The following KLC4 variants were observed in gnomAD, a reference collection of about 807,000 sequenced individuals.
KLC4 encodes kinesin light chain 4.
A neutral mutation model predicts 77.2 loss-of-function variants in KLC4; 49 were observed. The observed-to-expected ratio is 0.63, with a 90% CI of 0.50 to 0.80. The LOEUF (loss-of-function observed/expected upper bound fraction) is 0.80, where lower values mean the gene tolerates loss of function less well. KLC4 is among the 30% of genes least tolerant of loss of function. The pLI, the probability that KLC4 is intolerant of heterozygous loss-of-function variation, is 0.00. For synonymous variants in KLC4, 274 were observed against 314.5 expected, an observed-to-expected ratio of 0.87 and a Z score of 1.36; for missense variants, 669 against 793.5, an observed-to-expected ratio of 0.84 and a Z score of 1.89.
chr6:43,069,444 C>T (rs1765614992), intron 6 of KLC4, among the ~76,000 whole-genome samples: 1 of 152,082 alleles, frequency 6.6e-6, no homozygotes, highest in Admixed American at 6.5e-5. Context: ...GGGTTTTCAC[C>T]ATGTTGGTCA....
At position 43,063,008 on chromosome 6, in the gene KLC4, A is replaced by G. The variant is rs1339623063; in HGVS notation, c.350A>G (p.Gln117Arg). The G allele has an allele frequency of 3.1e-6, 5 of 1,614,088 alleles. No homozygotes were observed. Among genetic ancestry groups the G allele is most frequent in the Non-Finnish European group, 4.2e-6 (5 of 1,180,044 alleles). ...GTGCGGCGGCTATGCCAGGAGAACCAGTGGCTGCGGGATGAGCTGGCTGGC... is the reference window on the plus strand; with the variant it reads ...GTGCGGCGGCTATGCCAGGAGAACCGGTGGCTGCGGGATGAGCTGGCTGGC... ...AQVRRLCQEN[Q>R]WLRDELAGTQ... Residue 117 changes from glutamine (Q) to arginine (R), a missense_variant, in exon 3 of 16, where the codon CAG (glutamine) becomes CGG (arginine). Physicochemically the swap from Gln to Arg is conservative, Grantham distance 43. Coordinates refer to ENST00000347162, the MANE Select transcript of KLC4 (RefSeq NM_201521.3).
intron 1 of KLC4, chr6:43,060,071 C>G: frequency 6.5e-7 from 1 of 1,527,398 alleles, no homozygotes; most frequent in Non-Finnish European, 8.8e-7. Flanking sequence ...GAGACCCACT[C>G]CAGCGCCGCG....
At chr6:43,072,079 T>G in intron 11 of KLC4, 68 bp from the exon 12 acceptor site, 1 of 1,460,476 alleles carries the variant, frequency 6.8e-7, no homozygotes, top group Non-Finnish European at 9.6e-7. Context: ...CTTGTCTTGC[T>G]TGGAAGACAA....
chr6:43,065,147 T>C (rs1765350370), intron 3 of KLC4, among the ~76,000 whole-genome samples: 1 of 152,080 alleles, frequency 6.6e-6, no homozygotes, highest in Admixed American at 6.6e-5. Context: ...TGATCTCGGC[T>C]CACCGCAACC....
At chr6:43,071,964 C>T in intron 11 of KLC4, 42 bp downstream of exon 11, 1 of 1,564,768 alleles carries the variant, frequency 6.4e-7, no homozygotes, top group Non-Finnish European at 8.7e-7. Context: ...CCGATGCCCT[C>T]CATCCAGTCC....
intron 13 of KLC4, 59 bp from the exon 14 acceptor site, chr6:43,073,164 C>G (rs1765812610): frequency 7.5e-6 from 11 of 1,460,644 alleles, no homozygotes; most frequent in South Asian, 1.2e-5. Context: ...TAGGAGTAGA[C>G]TCAGAAACCC....
chr6:43,062,722 G>C (rs1359934869), intron 2 of KLC4, 195 bp from the exon 3 acceptor site: 1 of 596,170 alleles, frequency 1.7e-6, no homozygotes, highest in East Asian at 2.8e-5. Flanking sequence ...TAGTGGCTTG[G>C]TCCAGGGTGA....
intron 6 of KLC4, chr6:43,067,338 A>G: frequency 1.4e-6 from 1 of 714,242 alleles, no homozygotes; most frequent in African/African-American, 1.8e-5. Context: ...GTAAATCCAC[A>G]TATGATTTCT....
In KLC4 at chr6:43,070,414, G is replaced by C; in HGVS notation, c.940G>C (p.Ala314Pro). The C allele has an allele frequency of 1.2e-6, 2 of 1,614,202 alleles. No homozygotes were observed. The highest frequency in any genetic ancestry group is 1.7e-6 in the Non-Finnish European group (2 of 1,180,008). Residue 314 changes from alanine to proline, a missense_variant, in exon 7 of 16, where the codon GCA (alanine) becomes CCA (proline). By Grantham distance (27) the Ala-to-Pro change is conservative. Coordinates refer to ENST00000347162, the MANE Select transcript of KLC4 (RefSeq NM_201521.3). ...LYGKRGKYKE[A>P]EPLCQRALEI... ...TGGCAAAAGGGGCAAGTACAAGGAGGCAGAGCCTCTGTGCCAGCGGGCACT... is the reference window on the plus strand; with the variant it reads ...TGGCAAAAGGGGCAAGTACAAGGAGCCAGAGCCTCTGTGCCAGCGGGCACT...
rs1765372328 is a variant in KLC4, at chr6:43,065,460, G to A, written c.490-160G>A. The A allele has an allele frequency of 8.9e-6, 5 of 563,590 alleles. No homozygotes were observed. In the East Asian group the frequency reaches 1.4e-4, roughly 16 times the overall value. 34.9% of individuals were successfully genotyped at this position (563,590 alleles called of 1,614,324 possible). A position where few individuals can be genotyped will look rare whatever the true frequency, so the allele number is the denominator to read the frequency against. ...TGGCTGTTACAAACAAGAGGCCTGA[G>A]CTTGGCTGGGCCACTTGCTAGCCTT... On this transcript the variant is annotated intron_variant, in intron 3 of 15. Coordinates refer to ENST00000347162, the MANE Select transcript of KLC4 (RefSeq NM_201521.3).
Position 43,075,014 on chromosome 6 carries a change from C to T in KLC4, c.*342C>T, listed in dbSNP as rs140753702. The stretch of plus-strand genomic sequence containing the variant: ...GCCAGCCAAGCTGCCTTGCCCTGGC[C>T]GCTCTTACTCCCTCCCTCTGCTGTC... On this transcript the variant is annotated 3_prime_UTR_variant, in exon 16 of 16. Coordinates refer to ENST00000347162, the MANE Select transcript of KLC4 (RefSeq NM_201521.3). The T allele has an allele frequency of 4.0e-4, 125 of 315,964 alleles. No homozygotes were observed. Among genetic ancestry groups the T allele is most frequent in the Non-Finnish European group, 5.2e-4 (87 of 167,962 alleles). The allele number at this position is 315,964 out of a possible 1,614,324, so 19.6% of individuals were successfully genotyped here. A position where few individuals can be genotyped will look rare whatever the true frequency, so the allele number is the denominator to read the frequency against.
chr6:43,067,573 T>G (rs1765500640), intron 6 of KLC4, among the ~76,000 whole-genome samples: 2 of 151,700 alleles, frequency 1.3e-5, no homozygotes, highest in South Asian at 4.2e-4. Flanking sequence ...GGAGGGTGGA[T>G]CACGAGGTCA....
rs752039826 is a variant in KLC4 at position 43,067,066 on chromosome 6, G to C, written c.862G>C (p.Gly288Arg). 7 of 1,613,910 alleles carry C rather than the reference G, an allele frequency of 4.3e-6. No individual in the cohort carries two copies. In the African/African-American group the frequency reaches 8.0e-5, roughly 18 times the overall value. Residue 288 changes from glycine to arginine, a missense_variant, in exon 6 of 16, where the codon GGA becomes CGA. By Grantham distance (125) the Gly-to-Arg change is moderately radical. Coordinates refer to ENST00000347162, the MANE Select transcript of KLC4 (RefSeq NM_201521.3). ...CCTTAGCATCCGGGAGAGCACCTTG[G>C]GACCTGACCATCCTGCTGTCAGTAT... ...DALSIRESTL[G>R]PDHPAVAATL... is the part of the protein sequence containing the mutation.
chr6:43,072,225 G>A lies in KLC4; in HGVS notation c.1458G>A (p.Leu486=), dbSNP rs1214881512. Residue 486 remains leucine, a synonymous_variant, in exon 12 of 16, where the codon CTG becomes CTA. Coordinates refer to ENST00000347162, the MANE Select transcript of KLC4 (RefSeq NM_201521.3). ...GAAAGCTGGAGGCTGCTGAGACCCT[G>A]GAGGAATGTGCCCTGCGGTCCCGGA... ...RQGKLEAAET[L]EECALRSRRQ... 25 of 1,614,116 alleles carry A rather than the reference G, an allele frequency of 1.5e-5. No individual in the cohort carries two copies. The highest frequency in any genetic ancestry group is 2.1e-5 in the Non-Finnish European group (25 of 1,179,982).
rs1467657263 is a variant in KLC4, at chr6:43,065,700, C to T, written c.570C>T (p.Gly190=). The change falls in exon 4 of 16, where the codon GGC becomes GGT. Residue 190 remains glycine, a splice_region_variant and synonymous_variant. Transcript: ENST00000347162. ...AGGAGGAAGAGGACCCCAGCAATGGCTGTGAGTCTGCCTCTGGAATGGGAG... is the reference window on the plus strand; with the variant it reads ...AGGAGGAAGAGGACCCCAGCAATGGTTGTGAGTCTGCCTCTGGAATGGGAG... ...PNEEEEDPSN[G]LSRGQGATAA... is the part of the protein sequence containing the mutation. The T allele has an allele frequency of 6.2e-7, 1 of 1,609,968 alleles. No individual in the cohort carries two copies. The highest frequency in any genetic ancestry group is 8.5e-7 in the Non-Finnish European group (1 of 1,176,720).
rs370455665 is a variant in KLC4, at chr6:43,071,635, G to T, written c.1308+16G>T. ...AATGAGCAAAGTGAGTGGGGGGAAG[G>T]GGGGCCAGCCTGGGGAGCTCAAGGC... On this transcript the variant is annotated intron_variant, in intron 10 of 15. Transcript: ENST00000347162. 8.7e-6 allele frequency: 14 copies of T among 1,613,028 alleles called. No homozygotes were observed. The highest frequency in any genetic ancestry group is 1.2e-5 in the Non-Finnish European group (14 of 1,179,510).
rs1765911997 is a variant in KLC4, at chr6:43,074,832, C to T, written c.*160C>T. Reference sequence around the variant, plus strand: ...GCCCTTAGGGTCTCAGCTCCCTCCTCAGGAATCCCTCTTAGGAAGGACCCT... The same window carrying T: ...GCCCTTAGGGTCTCAGCTCCCTCCTTAGGAATCCCTCTTAGGAAGGACCCT... On this transcript the variant is annotated 3_prime_UTR_variant, in exon 16 of 16. Coordinates refer to ENST00000347162, the MANE Select transcript of KLC4 (RefSeq NM_201521.3). The T allele has an allele frequency of 1.5e-6, 1 of 659,540 alleles. No homozygotes were observed. The highest frequency in any genetic ancestry group is 1.7e-5 in the South Asian group (1 of 58,162). 40.9% of individuals were successfully genotyped at this position (659,540 alleles called of 1,614,324 possible).
chr6:43,061,130 A>G, intron 1 of KLC4, 181 bp from the exon 2 acceptor site: 3 of 633,800 alleles, frequency 4.7e-6, no homozygotes, highest in South Asian at 2.0e-5. Flanking sequence ...TTTGCCCACA[A>G]CCTTAGCTTT....
rs1261120644 is a variant in KLC4 at position 43,070,853 on chromosome 6, C to T, written c.1143C>T (p.Thr381=). ...LGPDNPNVAR[T]KNNLASCYLK... ...CGGACAACCCTAATGTAGCCCGGAC[C>T]AAGAACAACCTGGTATGGGAGGAGG... The change falls in exon 8 of 16, where the codon ACC becomes ACT. Residue 381 remains threonine, a synonymous_variant. Transcript: ENST00000347162. The T allele has an allele frequency of 1.9e-6, 3 of 1,584,290 alleles. No individual in the cohort carries two copies. The highest frequency in any genetic ancestry group is 1.8e-5 in the Admixed American group (1 of 54,946).
Sources: gnomAD v4.1 joint callset for allele counts (sites outside exome capture counted in the v4.1 genomes callset) on GRCh38, gnomAD v4.1.1 for gene constraint, MANE v1.5 for transcripts, NCBI Gene and HGNC (gene_info 2026-07-23, HGNC 2026-07-21) for gene names.